Variants in TYW1B observed in about 807,000 individuals in gnomAD.
The protein encoded by TYW1B is tRNA-yW synthesizing protein 1 homolog B.
Under a neutral mutation model 86.9 loss-of-function variants are expected in TYW1B, and 73 were observed. That is an observed-to-expected ratio of 0.84 (90% CI 0.70 to 1.02). The LOEUF is 1.02. TYW1B is among the 50% of genes least tolerant of loss of function. TYW1B has a pLI of 0.00. For synonymous variants in TYW1B, 248 were observed against 292.8 expected, an observed-to-expected ratio of 0.85 and a Z score of 1.56; for missense variants, 637 against 827.4, an observed-to-expected ratio of 0.77 and a Z score of 2.82.
At chr7:72,825,460 C>T (rs1384549386) in intron 2 of TYW1B, among the ~76,000 whole-genome samples, 1 of 152,200 alleles carries the variant, frequency 6.6e-6, no homozygotes, top group African/African-American at 2.4e-5. Context: ...AGGCGCATCA[C>T]CTGAGCCCAG....
intron 11 of TYW1B, among the ~76,000 whole-genome samples, chr7:72,662,286 A>ATT (rs1813346115): frequency 6.6e-6 from 1 of 152,242 alleles, no homozygotes; most frequent in Non-Finnish European, 1.5e-5. Context: ...GAGTCAACAG[A>ATT]TAACAGTGAA....
At chr7:72,826,352 GTATTTTTCTCTTAA>G (rs1788928692) in intron 2 of TYW1B, among the ~76,000 whole-genome samples, 1 of 152,118 alleles carries the variant, frequency 6.6e-6, no homozygotes, top group Non-Finnish European at 1.5e-5. Flanking sequence ...TGACACACCT[GTATTTTTCTCTTAA>G]ATCTTTCTGG....
At chr7:72,595,399 C>CACCA (rs1327458172) in intron 13 of TYW1B, among the ~76,000 whole-genome samples, 1 of 152,112 alleles carries the variant, frequency 6.6e-6, no homozygotes, top group African/African-American at 2.4e-5. Flanking sequence ...CAACAATAGC[C>CACCA]ACCATAGTGA....
At chr7:72,639,689 T>C (rs1200406811) in intron 11 of TYW1B, among the ~76,000 whole-genome samples, 26 of 151,736 alleles carry the variant, frequency 1.7e-4, no homozygotes, top group Non-Finnish European at 3.4e-4. Context: ...CATGGTGAAA[T>C]GCAGTTTCTA....
chr7:72,675,623 C>T (rs2129569804), intron 11 of TYW1B, among the ~76,000 whole-genome samples: 1 of 151,300 alleles, frequency 6.6e-6, no homozygotes, highest in Admixed American at 6.6e-5. Context: ...TGTATATACA[C>T]ACACACATAC....
chr7:72,654,749 T>C (rs191412177), intron 11 of TYW1B, among the ~76,000 whole-genome samples: 2 of 152,062 alleles, frequency 1.3e-5, no homozygotes, highest in East Asian at 3.9e-4. Context: ...GGCGTGGTGG[T>C]TGACACCTGC....
At position 72,694,348 on chromosome 7, in the gene TYW1B, G is replaced by C. The variant is rs368471126; in HGVS notation, c.1506+339C>G. On this transcript the variant is annotated intron_variant, in intron 11 of 13. Transcript: ENST00000620995. ...TACAACCAATCTTCCATAGATTCCGGGTTGGGTATCTATGGGGAATTGGTT... is the reference window on the plus strand; with the variant it reads ...TACAACCAATCTTCCATAGATTCCGCGTTGGGTATCTATGGGGAATTGGTT... 5.3e-5 allele frequency among the ~76,000 whole-genome samples: 8 copies of C among 152,090 alleles called. No individual in the cohort carries two copies. In the East Asian group the frequency reaches 1.5e-3, roughly 29 times the overall value.
At chr7:72,724,267 T>C (rs1369331872) in intron 9 of TYW1B, among the ~76,000 whole-genome samples, 1 of 151,092 alleles carries the variant, frequency 6.6e-6, no homozygotes, top group Non-Finnish European at 1.5e-5. Flanking sequence ...AGCCCAGGAG[T>C]TCAAGACCAG....
At chr7:72,594,473 G>C (rs1279718180) in intron 13 of TYW1B, among the ~76,000 whole-genome samples, 1 of 152,150 alleles carries the variant, frequency 6.6e-6, no homozygotes, top group Admixed American at 6.5e-5. Context: ...CAGAAAATCT[G>C]ATTAGACTCA....
intron 4 of TYW1B, among the ~76,000 whole-genome samples, chr7:72,808,902 C>A (rs1341600469): frequency 6.6e-6 from 1 of 152,072 alleles, no homozygotes; most frequent in Non-Finnish European, 1.5e-5. Flanking sequence ...CTAGGCAGGG[C>A]CCATCCCTAG....
At chr7:72,822,162 C>CAAAAA (rs782637112) in intron 2 of TYW1B, among the ~76,000 whole-genome samples, 8 of 36,338 alleles carry the variant, frequency 2.2e-4, no homozygotes, top group Admixed American at 2.8e-4. Flanking sequence ...GACCCTGTCT[C>CAAAAA]AAAAAAAAAA....
intron 11 of TYW1B, among the ~76,000 whole-genome samples, chr7:72,660,590 G>A (rs1554444311): frequency 6.6e-6 from 1 of 152,122 alleles, no homozygotes; most frequent in African/African-American, 2.4e-5. Context: ...TTTCCCGTTT[G>A]CAAAATCCTG....
rs782336758 is a variant in TYW1B at position 72,815,446 on chromosome 7, G to A, written c.171C>T (p.Ser57=). Reference sequence around the variant, plus strand: ...TAATAATGGCCACAGGCAGATCCAGGGACGTAACTGCTTCAGCAAGAACTG... The same window carrying A: ...TAATAATGGCCACAGGCAGATCCAGAGACGTAACTGCTTCAGCAAGAACTG... ...FATVLAEAVT[S]LDLPVAIINL... Residue 57 remains serine, a synonymous_variant, in exon 3 of 14, where the codon TCC becomes TCT. Coordinates refer to ENST00000620995, the MANE Select transcript of TYW1B (RefSeq NM_001145440.3). 1.9e-6 allele frequency: 3 copies of A among 1,610,170 alleles called. No homozygotes were observed. The highest frequency in any genetic ancestry group is 1.7e-5 in the Admixed American group (1 of 59,000).
intron 6 of TYW1B, among the ~76,000 whole-genome samples, chr7:72,779,426 T>C (rs149018747): frequency 1.5e-3 from 222 of 152,404 alleles, no homozygotes; most frequent in African/African-American, 4.9e-3. Context: ...ATTAAAAATT[T>C]TAACACGTGG....
intron 8 of TYW1B, among the ~76,000 whole-genome samples, chr7:72,733,365 T>C (rs1445348617): frequency 1.5e-4 from 23 of 151,848 alleles, no homozygotes; most frequent in African/African-American, 5.1e-4. Flanking sequence ...TGAACAAAGG[T>C]ATAAAAATCC....
chr7:72,590,494 T>C (rs2129567810), intron 13 of TYW1B, among the ~76,000 whole-genome samples: 1 of 152,274 alleles, frequency 6.6e-6, no homozygotes, highest in African/African-American at 2.4e-5. Flanking sequence ...CTTTTCTCTT[T>C]CCCACCTTTG....
intron 9 of TYW1B, among the ~76,000 whole-genome samples, chr7:72,719,339 C>T (rs1421230925): frequency 1.3e-5 from 2 of 151,490 alleles, no homozygotes; most frequent in Non-Finnish European, 2.9e-5. Context: ...TTGGTAAAGA[C>T]GAAGTTTTGG....
chr7:72,674,344 T>C (rs1319633411), intron 11 of TYW1B, among the ~76,000 whole-genome samples: 4 of 152,110 alleles, frequency 2.6e-5, no homozygotes, highest in Admixed American at 1.3e-4. Context: ...TAAGATGAGG[T>C]TGTTTTCGGC....
At chr7:72,813,030 C>A (rs1788650968) in intron 3 of TYW1B, among the ~76,000 whole-genome samples, 1 of 152,012 alleles carries the variant, frequency 6.6e-6, no homozygotes, top group African/African-American at 2.4e-5. Flanking sequence ...TGGAACACAG[C>A]CATATTCATT....
Sources: allele counts gnomAD v4.1 joint callset (sites outside exome capture counted in the v4.1 genomes callset), GRCh38; gene constraint gnomAD v4.1.1; transcripts MANE v1.5; gene names NCBI Gene and HGNC (gene_info 2026-07-23, HGNC 2026-07-21).